The following SYNE2 variants were observed in gnomAD, a reference collection of about 807,000 sequenced individuals.
The protein encoded by SYNE2 is spectrin repeat containing nuclear envelope protein 2, also known as nesprin-2.
A neutral mutation model predicts 856.3 loss-of-function variants in SYNE2; 431 were observed. That is an observed-to-expected ratio of 0.50 (90% CI 0.47 to 0.55). The LOEUF is 0.55. Ranked by LOEUF, SYNE2 falls within the 20% of genes least tolerant of loss-of-function variation. The pLI is 0.00. For synonymous variants in SYNE2, 2,923 were observed against 2,872.3 expected (o/e 1.02, Z -0.56); for missense variants, 8,129 against 8,023.2 (o/e 1.01, Z -0.50).
chr14:63,931,577 G>C (rs951550036), intron 2 of SYNE2, among the ~76,000 whole-genome samples: 3 of 150,590 alleles, frequency 2.0e-5, no homozygotes, highest in African/African-American at 4.9e-5. Context: ...AAGAAAGAAA[G>C]AAACAAAAAG....
At chr14:64,025,480 T>C in intron 41 of SYNE2, 59 bp downstream of exon 41, 1 of 1,530,836 alleles carries the variant, frequency 6.5e-7, no homozygotes, top group Non-Finnish European at 8.9e-7. Flanking sequence ...TGAAAAGATT[T>C]AGAGGAAAAC....
At chr14:63,994,769 T>C (rs1734428001) in intron 22 of SYNE2, among the ~76,000 whole-genome samples, 1 of 152,236 alleles carries the variant, frequency 6.6e-6, no homozygotes, top group African/African-American at 2.4e-5. Flanking sequence ...GTTATCTGTT[T>C]TGCATAGTTT....
chr14:63,892,729 C>CTTTTTTT (rs11293385), intron 1 of SYNE2, among the ~76,000 whole-genome samples: 5 of 130,248 alleles, frequency 3.8e-5, no homozygotes, highest in Non-Finnish European at 3.3e-5. Context: ...GGTGTACTTT[C>CTTTTTTT]TTTTTTTTTT....
intron 88 of SYNE2, chr14:64,162,513 GT>G: frequency 1.8e-6 from 1 of 558,872 alleles, no homozygotes; most frequent in Non-Finnish European, 3.2e-6. Flanking sequence ...TTCCAAGTCT[GT>G]GCTTTCTCTC....
At chr14:63,848,824 C>G (rs1189974694), upstream of SYNE2, among the ~76,000 whole-genome samples, 1 of 152,172 alleles carries the variant, frequency 6.6e-6, no homozygotes, top group African/African-American at 2.4e-5. Context: ...TGCTCACTGC[C>G]CACCAGGCTC....
intron 90 of SYNE2, 126 bp downstream of exon 90, chr14:64,165,536 G>A (rs923483641): frequency 1.7e-5 from 17 of 991,348 alleles, no homozygotes; most frequent in African/African-American, 6.9e-5. Context: ...TTTTTGAGAC[G>A]GACTCTCGCT....
At chr14:64,082,131 T>G (rs994164407) in intron 57 of SYNE2, among the ~76,000 whole-genome samples, 1 of 151,966 alleles carries the variant, frequency 6.6e-6, no homozygotes, top group African/African-American at 2.4e-5. Context: ...TGGTTTTGGT[T>G]GTTAGAATTC....
chr14:64,101,484 C>G (rs1321903155), intron 63 of SYNE2, among the ~76,000 whole-genome samples: 1 of 152,108 alleles, frequency 6.6e-6, no homozygotes, highest in East Asian at 1.9e-4. Context: ...TGGGATCTCA[C>G]TCTGTTGCCT....
At chr14:63,812,438 G>T (rs920173138) in intron 1 of SYNE2, among the ~76,000 whole-genome samples, 3 of 152,000 alleles carry the variant, frequency 2.0e-5, no homozygotes, top group Admixed American at 2.0e-4. Context: ...TCAAACACAC[G>T]TTTTACAATC....
chr14:64,087,185 C>T (rs1472608683), intron 57 of SYNE2, among the ~76,000 whole-genome samples: 2 of 141,336 alleles, frequency 1.4e-5, no homozygotes, highest in Admixed American at 7.3e-5. Context: ...ATATAAAATT[C>T]TGAATAACCC....
intron 1 of SYNE2, among the ~76,000 whole-genome samples, chr14:63,866,743 A>G (rs1895433674): frequency 6.6e-6 from 1 of 152,122 alleles, no homozygotes; most frequent in African/African-American, 2.4e-5. Context: ...AGGCCAAGGC[A>G]GGAGAATCAC....
At chr14:63,867,973 C>A (rs1401237902) in intron 1 of SYNE2, among the ~76,000 whole-genome samples, 1 of 151,854 alleles carries the variant, frequency 6.6e-6, no homozygotes, top group East Asian at 1.9e-4. Context: ...TCGCTCGAGC[C>A]CAGGAGTTTG....
chr14:63,945,297 G>C (rs2096008923), intron 6 of SYNE2, among the ~76,000 whole-genome samples: 1 of 152,002 alleles, frequency 6.6e-6, no homozygotes, highest in Admixed American at 6.6e-5. Flanking sequence ...AGTGCCCCAG[G>C]TCCTTCTCCC....
chr14:64,144,045 T>A, intron 83 of SYNE2, 97 bp downstream of exon 83: 1 of 1,410,186 alleles, frequency 7.1e-7, no homozygotes, highest in Non-Finnish European at 1.0e-6. Context: ...GACTGATTAT[T>A]AAGCCTAATA....
intron 6 of SYNE2, among the ~76,000 whole-genome samples, chr14:63,944,824 C>CTTTTTTTTTTTT (rs55906748): frequency 1.7e-4 from 8 of 46,948 alleles, no homozygotes; most frequent in African/African-American, 5.1e-4. Context: ...GGGCTTAAAG[C>CTTTTTTTTTTTT]TTTTTTTTTT....
At chr14:64,144,395 A>G (rs1183533208) in intron 83 of SYNE2, among the ~76,000 whole-genome samples, 1 of 152,220 alleles carries the variant, frequency 6.6e-6, no homozygotes, top group Non-Finnish European at 1.5e-5. Context: ...ATTCCTGAAA[A>G]AATACTTTAC....
intron 83 of SYNE2, among the ~76,000 whole-genome samples, chr14:64,145,367 G>A (rs932288320): frequency 1.3e-5 from 2 of 152,026 alleles, no homozygotes; most frequent in Non-Finnish European, 2.9e-5. Flanking sequence ...AATTAGCTGG[G>A]CATGGCGGCA....
At chr14:63,900,800 A>G (rs2095326862) in intron 1 of SYNE2, among the ~76,000 whole-genome samples, 1 of 152,242 alleles carries the variant, frequency 6.6e-6, no homozygotes, top group Non-Finnish European at 1.5e-5. Flanking sequence ...GTTAATGGGA[A>G]AAAGATGAAC....
chr14:64,187,226 CAG>C (rs2098496311), intron 97 of SYNE2, among the ~76,000 whole-genome samples: 1 of 152,076 alleles, frequency 6.6e-6, no homozygotes, highest in African/African-American at 2.4e-5. Flanking sequence ...GTTTTAAGAA[CAG>C]AGAATTCCAA....
Sources: gnomAD v4.1 joint callset for allele counts (sites outside exome capture counted in the v4.1 genomes callset) on GRCh38, gnomAD v4.1.1 for gene constraint, MANE v1.5 for transcripts, NCBI Gene and HGNC (gene_info 2026-07-23, HGNC 2026-07-21) for gene names.